Variants in KCNJ6 observed in about 807,000 individuals in gnomAD.
The protein encoded by KCNJ6 is potassium inwardly rectifying channel subfamily J member 6, also known as G protein-activated inward rectifier potassium channel 2.
A neutral mutation model predicts 34.2 loss-of-function variants in KCNJ6; 9 were observed. The observed-to-expected ratio is 0.26, with a 90% confidence interval of 0.16 to 0.46. The LOEUF is 0.46. Among genes scored for constraint, KCNJ6 ranks in the 20% least tolerant of loss-of-function variants. The pLI is 1.00. For synonymous variants in KCNJ6, 196 were observed against 207.1 expected (o/e 0.95, Z 0.46); for missense variants, 236 against 531.3 (o/e 0.44, Z 5.46).
At chr21:37,679,693 C>T (rs1425874213) in intron 3 of KCNJ6, among the ~76,000 whole-genome samples, 2 of 4,990 alleles carry the variant, frequency 4.0e-4, no homozygotes, top group Admixed American at 2.8e-3. Context: ...TTAGTGTGTT[C>T]ATTGGCCAGT....
At chr21:37,835,036 C>A (rs1411188860) in intron 2 of KCNJ6, among the ~76,000 whole-genome samples, 1 of 152,158 alleles carries the variant, frequency 6.6e-6, no homozygotes, top group African/African-American at 2.4e-5. Flanking sequence ...TGGCTCATGA[C>A]AACAACCCCT....
At position 37,684,330 on chromosome 21, in the gene KCNJ6, T is replaced by A. The variant is rs149859631; in HGVS notation, c.946+29881A>T. Among the ~76,000 whole-genome samples, 11 of 142,560 alleles carry A rather than the reference T, an allele frequency of 7.7e-5. No individual in the cohort carries two copies. The Admixed American group carries it at 8.0e-4, about 10-fold the overall frequency. The allele number at this position is 142,560 out of a possible 152,430, so 93.5% of individuals were successfully genotyped here. On this transcript the variant is annotated intron_variant, in intron 3 of 3. Coordinates refer to ENST00000609713, the MANE Select transcript of KCNJ6 (RefSeq NM_002240.5). ...GGCCTTCTCCCCGTGCACATGTCTG[T>A]GTCCAAATTTCCACTCCATTTTTTT...
chr21:37,656,667 G>A (rs1417679422), intron 3 of KCNJ6, among the ~76,000 whole-genome samples: 2 of 152,160 alleles, frequency 1.3e-5, no homozygotes, highest in Non-Finnish European at 2.9e-5. Flanking sequence ...TCCTTTCCCC[G>A]GCCTGCCTGA....
chr21:37,687,237 G>A (rs1262613015), intron 3 of KCNJ6, among the ~76,000 whole-genome samples: 2 of 152,062 alleles, frequency 1.3e-5, no homozygotes, highest in East Asian at 1.9e-4. Flanking sequence ...CGTCCCAGCC[G>A]GTATCTCAGC....
intron 1 of KCNJ6, among the ~76,000 whole-genome samples, chr21:37,895,166 A>G (rs2055781733): frequency 6.6e-6 from 1 of 152,218 alleles, no homozygotes; most frequent in African/African-American, 2.4e-5. Context: ...GCTTCTTTCT[A>G]AAACCCAAAT....
intron 2 of KCNJ6, among the ~76,000 whole-genome samples, chr21:37,739,285 G>C (rs2054927982): frequency 6.6e-6 from 1 of 151,824 alleles, no homozygotes; most frequent in Non-Finnish European, 1.5e-5. Context: ...GATTATGCAG[G>C]TGGCTGGCAT....
chr21:37,723,202 A>G (rs1003112737), intron 2 of KCNJ6, among the ~76,000 whole-genome samples: 1 of 152,256 alleles, frequency 6.6e-6, no homozygotes, highest in Non-Finnish European at 1.5e-5. Context: ...CATCAGAGAA[A>G]TGCAAATGAA....
chr21:37,792,199 AGCTGCAACCCTCCTATCT>A (rs1402794191), intron 2 of KCNJ6, among the ~76,000 whole-genome samples: 1 of 152,244 alleles, frequency 6.6e-6, no homozygotes, highest in African/African-American at 2.4e-5. Flanking sequence ...CTTGTGCATC[AGCTGCAACCCTCCTATCT>A]GCTGCTTTGT....
intron 3 of KCNJ6, among the ~76,000 whole-genome samples, chr21:37,684,980 CAAAA>C (rs1447350940): frequency 6.6e-6 from 1 of 151,842 alleles, no homozygotes; most frequent in African/African-American, 2.4e-5. Flanking sequence ...ATACCATTAA[CAAAA>C]AAATCAATAA....
chr21:37,914,526 G>A (rs936118772), intron 1 of KCNJ6, among the ~76,000 whole-genome samples: 1 of 152,236 alleles, frequency 6.6e-6, no homozygotes, highest in Non-Finnish European at 1.5e-5. Context: ...CCGCCACAGG[G>A]CACGCGGCTG....
intron 3 of KCNJ6, among the ~76,000 whole-genome samples, chr21:37,656,026 C>T (rs2054462325): frequency 1.3e-5 from 2 of 152,104 alleles, no homozygotes. Flanking sequence ...CCCTCATGGA[C>T]TTAGGGGTTT....
intron 1 of KCNJ6, among the ~76,000 whole-genome samples, chr21:37,910,659 C>T (rs577402306): frequency 6.6e-6 from 1 of 152,270 alleles, no homozygotes; most frequent in South Asian, 2.1e-4. Flanking sequence ...AATCTATTCA[C>T]TAAAAGAATC....
chr21:37,748,224 T>C (rs1375332228), intron 2 of KCNJ6, among the ~76,000 whole-genome samples: 4 of 152,176 alleles, frequency 2.6e-5, no homozygotes, highest in Non-Finnish European at 5.9e-5. Flanking sequence ...GCCAGTTTAA[T>C]TGGATCTAGG....
intron 3 of KCNJ6, among the ~76,000 whole-genome samples, chr21:37,712,752 T>TCCCCTTCTCCTCCC (rs2054767904): frequency 1.7e-5 from 1 of 58,296 alleles, no homozygotes. Flanking sequence ...CTCTCCTTCC[T>TCCCCTTCTCCTCCC]CCCCTTCCTC....
intron 2 of KCNJ6, among the ~76,000 whole-genome samples, chr21:37,778,663 C>T (rs1396458585): frequency 6.6e-6 from 1 of 151,708 alleles, no homozygotes. Flanking sequence ...CTGGCCCCTT[C>T]CCACTACATT....
At chr21:37,906,843 T>C (rs2055844131) in intron 1 of KCNJ6, among the ~76,000 whole-genome samples, 1 of 152,224 alleles carries the variant, frequency 6.6e-6, no homozygotes, top group African/African-American at 2.4e-5. Flanking sequence ...CCTCTCTTTA[T>C]ATGCTTTACT....
chr21:37,786,568 T>C (rs1438536190), intron 2 of KCNJ6, among the ~76,000 whole-genome samples: 1 of 152,246 alleles, frequency 6.6e-6, no homozygotes, highest in Non-Finnish European at 1.5e-5. Context: ...TGAGTGCAGC[T>C]ACCCCGATTG....
chr21:37,671,364 G>A (rs1024298581), intron 3 of KCNJ6, among the ~76,000 whole-genome samples: 7 of 152,332 alleles, frequency 4.6e-5, no homozygotes, highest in Non-Finnish European at 1.0e-4. Flanking sequence ...GGATGTTCCT[G>A]GAAGGGGTTA....
At chr21:37,813,869 C>A (rs1168543629) in intron 2 of KCNJ6, among the ~76,000 whole-genome samples, 4 of 152,128 alleles carry the variant, frequency 2.6e-5, no homozygotes, top group Non-Finnish European at 1.5e-5. Context: ...TAATACCCTA[C>A]AAGCATGGGC....
Sources: gnomAD v4.1 joint callset for allele counts (sites outside exome capture counted in the v4.1 genomes callset) on GRCh38, gnomAD v4.1.1 for gene constraint, MANE v1.5 for transcripts, NCBI Gene and HGNC (gene_info 2026-07-23, HGNC 2026-07-21) for gene names.